GMPR: variants seen among roughly 807,000 people sequenced by gnomAD.
GMPR encodes guanosine monophosphate reductase.
A neutral mutation model predicts 38.4 loss-of-function variants in GMPR; 31 were observed. The ratio of observed to expected loss-of-function variants is 0.81; its 90% CI spans 0.61 to 1.09. The LOEUF (loss-of-function observed/expected upper bound fraction) is 1.09, where lower values mean the gene tolerates loss of function less well. GMPR is among the 50% of genes least tolerant of loss of function. The probability of loss-of-function intolerance (pLI) is 0.00; values close to 1 mark genes in which losing one functional copy is unlikely to be tolerated. For missense variants in GMPR, 468 were observed against 453.7 expected (o/e 1.03, Z -0.29); for synonymous variants, 162 against 173.3 (o/e 0.93, Z 0.51).
intron 4 of GMPR, among the ~76,000 whole-genome samples, chr6:16,260,582 T>C (rs1759064463): frequency 6.6e-6 from 1 of 151,040 alleles, no homozygotes; most frequent in Non-Finnish European, 1.5e-5. Flanking sequence ...CCTTGAGGAG[T>C]AGTAGAATAG....
chr6:16,274,352 G>T, intron 4 of GMPR, 63 bp from the exon 5 acceptor site: 2 of 1,021,912 alleles, frequency 2.0e-6, no homozygotes, highest in Non-Finnish European at 3.1e-6. Flanking sequence ...CAGGTGTGGG[G>T]TTCCTCACCT....
chr6:16,272,782 T>C (rs1759408077), intron 4 of GMPR, among the ~76,000 whole-genome samples: 1 of 152,218 alleles, frequency 6.6e-6, no homozygotes, highest in African/African-American at 2.4e-5. Context: ...TGGGTATTTG[T>C]TGATTGTATG....
intron 1 of GMPR, among the ~76,000 whole-genome samples, chr6:16,245,573 C>A (rs2113668130): frequency 6.6e-6 from 1 of 152,304 alleles, no homozygotes; most frequent in Non-Finnish European, 1.5e-5. Context: ...TGGCCAGTTC[C>A]CCTTGGGGAA....
At chr6:16,265,790 G>T (rs375275560) in intron 4 of GMPR, among the ~76,000 whole-genome samples, 2 of 151,922 alleles carry the variant, frequency 1.3e-5, no homozygotes, top group Non-Finnish European at 2.9e-5. Context: ...GCTGGAGCCA[G>T]CCCGGATAAC....
chr6:16,282,714 A>G (rs1370302410), intron 6 of GMPR, among the ~76,000 whole-genome samples: 1 of 151,750 alleles, frequency 6.6e-6, no homozygotes, highest in African/African-American at 2.4e-5. Context: ...TTGCCATACC[A>G]TCCTTCCTTT....
chr6:16,281,853 G>A (rs1000482108), intron 6 of GMPR, among the ~76,000 whole-genome samples: 9 of 152,194 alleles, frequency 5.9e-5, no homozygotes, highest in African/African-American at 1.9e-4. Context: ...CCTAGATGGG[G>A]TTAGGAGTTC....
At chr6:16,279,994 G>A (rs1180952580) in intron 6 of GMPR, among the ~76,000 whole-genome samples, 1 of 152,192 alleles carries the variant, frequency 6.6e-6, no homozygotes, top group Non-Finnish European at 1.5e-5. Context: ...ACTGACATTT[G>A]GGAGGCAGAA....
At chr6:16,256,168 A>T (rs1758970298) in intron 4 of GMPR, among the ~76,000 whole-genome samples, 1 of 149,728 alleles carries the variant, frequency 6.7e-6, no homozygotes, top group Admixed American at 6.7e-5. Context: ...GTGAGCCGAG[A>T]TCACACCACT....
chr6:16,258,511 C>T (rs867717885), intron 4 of GMPR, among the ~76,000 whole-genome samples: 3 of 152,204 alleles, frequency 2.0e-5, no homozygotes, highest in South Asian at 2.1e-4. Context: ...GGGAGGAGAT[C>T]GGTTCAGAGT....
At chr6:16,245,199 G>A (rs1031593118) in intron 1 of GMPR, among the ~76,000 whole-genome samples, 1 of 152,174 alleles carries the variant, frequency 6.6e-6, no homozygotes, top group Admixed American at 6.5e-5. Context: ...CAGGAAGGAG[G>A]TGGAGAAAGG....
intron 4 of GMPR, among the ~76,000 whole-genome samples, chr6:16,267,026 C>A (rs1402669889): frequency 4.6e-5 from 7 of 151,392 alleles, no homozygotes; most frequent in Admixed American, 4.6e-4. Context: ...AGAGCTGTAA[C>A]ACTCCCTGCG....
At chr6:16,239,174 G>C (rs552194798) in intron 1 of GMPR, among the ~76,000 whole-genome samples, 1 of 152,314 alleles carries the variant, frequency 6.6e-6, no homozygotes, top group South Asian at 2.1e-4. Flanking sequence ...ATTTTTGGCT[G>C]CGTCTCCTAG....
chr6:16,248,235 A>C (rs1758799055), intron 2 of GMPR, among the ~76,000 whole-genome samples: 1 of 52,330 alleles, frequency 1.9e-5, no homozygotes, highest in South Asian at 9.7e-4. Flanking sequence ...CCTGTCTCAA[A>C]AAAAAAAAAA....
chr6:16,294,928 G>A (rs1759908375), intron 8 of GMPR, 78 bp from the exon 9 acceptor site: 4 of 1,152,842 alleles, frequency 3.5e-6, no homozygotes, highest in Non-Finnish European at 5.1e-6. Flanking sequence ...GAAAGTGCTG[G>A]AGCTGGGAGT....
chr6:16,264,160 T>C (rs1443150415), intron 4 of GMPR, among the ~76,000 whole-genome samples: 3 of 151,960 alleles, frequency 2.0e-5, no homozygotes, highest in Non-Finnish European at 4.4e-5. Flanking sequence ...TTCCCTAGTC[T>C]GTGACCGGCG....
intron 4 of GMPR, among the ~76,000 whole-genome samples, chr6:16,263,533 G>T (rs776924901): frequency 8.6e-5 from 13 of 151,592 alleles, no homozygotes; most frequent in Non-Finnish European, 1.6e-4. Flanking sequence ...GGGGTTCAGG[G>T]GTTCTTACCT....
Position 16,254,568 on chromosome 6 carries a change from G to A in GMPR, c.298G>A (p.Ala100Thr), listed in dbSNP as rs752857008. 5 of 1,613,658 alleles carry A rather than the reference G, an allele frequency of 3.1e-6. No homozygotes were observed. Among genetic ancestry groups the A allele is most frequent in the Non-Finnish European group, 8.5e-7 (1 of 1,179,570 alleles). ...TNHPECLQNV[A>T]VSSGSGQNDL... is the part of the protein sequence containing the mutation. ...TTGGTTTATTTTGGTGCAGAATGTAGCCGTGAGTTCAGGCAGTGGGCAGAA... is the reference window on the plus strand; with the variant it reads ...TTGGTTTATTTTGGTGCAGAATGTAACCGTGAGTTCAGGCAGTGGGCAGAA... The change falls in exon 4 of 9, where the codon GCC (alanine) becomes ACC (threonine). Residue 100 changes from alanine (A) to threonine (T), a missense_variant. Physicochemically the swap from Ala to Thr is moderately conservative, Grantham distance 58. Transcript: ENST00000259727.
Position 16,270,588 on chromosome 6 carries a change from A to G in GMPR, c.466-3827A>G, listed in dbSNP as rs150591287. On this transcript the variant is annotated intron_variant, in intron 4 of 8. Coordinates refer to ENST00000259727, the MANE Select transcript of GMPR (RefSeq NM_006877.4). Reference sequence around the variant, plus strand: ...ACTAAAGCCTGACCACACTCCTGTCATATTCTCATTTCTGATTTGGTCTTT... The same window carrying G: ...ACTAAAGCCTGACCACACTCCTGTCGTATTCTCATTTCTGATTTGGTCTTT... Among the ~76,000 whole-genome samples the G allele has an allele frequency of 5.1e-4, 77 of 152,268 alleles. 1 individual carries two copies. The highest frequency in any genetic ancestry group is 1.6e-3 in the African/African-American group (67 of 41,556).
In GMPR at chr6:16,245,208, G is replaced by C. The variant is rs529969772; in HGVS notation, c.88-1634G>C. Among the ~76,000 whole-genome samples the C allele has an allele frequency of 2.0e-5, 3 of 152,274 alleles. No individual in the cohort carries two copies. The East Asian group carries it at 5.8e-4, about 29-fold the overall frequency. The stretch of plus-strand genomic sequence containing the variant: ...AGTCATCAGGAAGGAGGTGGAGAAA[G>C]GGACGTGCCACTGCGTAGGTTCGTG... On this transcript the variant is annotated intron_variant, in intron 1 of 8. Transcript: ENST00000259727.
Sources: gnomAD v4.1 joint callset for allele counts (sites outside exome capture counted in the v4.1 genomes callset) on GRCh38, gnomAD v4.1.1 for gene constraint, MANE v1.5 for transcripts, NCBI Gene and HGNC (gene_info 2026-07-23, HGNC 2026-07-21) for gene names.